The following MYH15 variants were observed in gnomAD, a reference collection of about 807,000 sequenced individuals.
MYH15 encodes myosin heavy chain 15, also known as myosin-15.
Under a neutral mutation model 240.5 loss-of-function variants are expected in MYH15, and 227 were observed. The ratio of observed to expected loss-of-function variants is 0.94; its 90% confidence interval spans 0.85 to 1.05. The LOEUF is 1.05. Among genes scored for constraint, MYH15 ranks in the 50% least tolerant of loss-of-function variants. The pLI, the probability that MYH15 is intolerant of heterozygous loss-of-function variation, is 0.00. For missense variants in MYH15, 2,217 were observed against 2,247.5 expected, an observed-to-expected ratio of 0.99 and a Z score of 0.27; for synonymous variants, 785 against 796.7, an observed-to-expected ratio of 0.99 and a Z score of 0.25.
At chr3:108,423,212 G>C (rs536774977) in intron 27 of MYH15, among the ~76,000 whole-genome samples, 2 of 152,296 alleles carry the variant, frequency 1.3e-5, no homozygotes, top group South Asian at 4.1e-4. Flanking sequence ...TGAAGTTTCC[G>C]AGGCTCCACT....
At chr3:108,395,502 A>G (rs1012247292) in intron 35 of MYH15, among the ~76,000 whole-genome samples, 4 of 152,024 alleles carry the variant, frequency 2.6e-5, no homozygotes, top group Admixed American at 6.6e-5. Context: ...CATAGAAACT[A>G]TTTCTTTGTA....
chr3:108,453,797 A>C (rs2082995842), intron 21 of MYH15, among the ~76,000 whole-genome samples: 1 of 152,198 alleles, frequency 6.6e-6, no homozygotes, highest in South Asian at 2.1e-4. Context: ...ATGACAAGAA[A>C]TATCTGAATT....
intron 12 of MYH15, among the ~76,000 whole-genome samples, chr3:108,471,526 T>C (rs2083177498): frequency 6.6e-6 from 1 of 152,206 alleles, no homozygotes; most frequent in African/African-American, 2.4e-5. Context: ...AGAAGTCTGC[T>C]GAATCACTCA....
At chr3:108,480,523 A>G (rs897097910) in intron 11 of MYH15, among the ~76,000 whole-genome samples, 2 of 152,218 alleles carry the variant, frequency 1.3e-5, no homozygotes, top group African/African-American at 4.8e-5. Context: ...ATGCTTTAGG[A>G]TGCTTAATTT....
At chr3:108,537,347 C>A in the MYH15 span, among the ~76,000 whole-genome samples, 1 of 152,124 alleles carries the variant, frequency 6.6e-6, no homozygotes, top group Non-Finnish European at 1.5e-5. Context: ...TCATTCTACC[C>A]CTCAGAAATC....
chr3:108,389,120 G>A (rs2082405488), intron 37 of MYH15, 46 bp from the exon 38 acceptor site: 2 of 1,543,376 alleles, frequency 1.3e-6, no homozygotes, highest in Non-Finnish European at 1.8e-6. Flanking sequence ...CACCAAGTCT[G>A]GCATTCTATT....
rs1453818274 is a variant in MYH15 at position 108,414,242 on chromosome 3, C to T, written c.4135G>A (p.Glu1379Lys). 1 of 1,614,076 alleles carries T rather than the reference C, an allele frequency of 6.2e-7. No homozygotes were observed. The highest frequency in any genetic ancestry group is 1.7e-5 in the Admixed American group (1 of 60,026). ...NNVIQRTEDL[E>K]DAKKELAIRL... The stretch of plus-strand genomic sequence containing the variant: ...CCTTGCCCTACTCACTTGGCATCCT[C>T]CAAGTCTTCTGTTCTCTGGATGACA... Residue 1379 changes from glutamate to lysine, a missense_variant, in exon 30 of 41, where the codon GAG becomes AAG. Physicochemically the swap from Glu to Lys is moderately conservative, Grantham distance 56. Coordinates refer to ENST00000693548, the MANE Select transcript of MYH15 (RefSeq NM_014981.3).
At chr3:108,416,198 C>T (rs2082631395) in intron 29 of MYH15, among the ~76,000 whole-genome samples, 1 of 152,140 alleles carries the variant, frequency 6.6e-6, no homozygotes, top group African/African-American at 2.4e-5. Flanking sequence ...ACAGACTCAA[C>T]TACCTGTGTT....
In MYH15 at chr3:108,456,755, TGTA is replaced by T; in HGVS notation, c.2138+8_2138+10del. ...GCCTCAGGCTTCTTGGATCCTAGAA[TGTA>T]GGTTTACCTTTGTTTAAAATCAGCA... On this transcript the variant is annotated splice_region_variant and intron_variant, in intron 19 of 40. Coordinates refer to ENST00000693548, the MANE Select transcript of MYH15 (RefSeq NM_014981.3). 6.3e-7 allele frequency: 1 copy of T among 1,582,348 alleles called. No homozygotes were observed. The highest frequency in any genetic ancestry group is 2.2e-5 in the East Asian group (1 of 44,692).
intron 5 of MYH15, 76 bp from the exon 6 acceptor site, chr3:108,498,221 T>C (rs905425313): frequency 1.5e-5 from 19 of 1,287,744 alleles, no homozygotes; most frequent in African/African-American, 5.8e-5. Context: ...ATTTTGATTA[T>C]ATAGGCTATG....
At chr3:108,495,640 G>A (rs2083383995) in intron 7 of MYH15, 140 bp downstream of exon 7, 1 of 491,914 alleles carries the variant, frequency 2.0e-6, no homozygotes, top group African/African-American at 2.0e-5. Flanking sequence ...AATTTTTTTT[G>A]AGAAATCTAA....
intron 2 of MYH15, among the ~76,000 whole-genome samples, chr3:108,503,003 C>A (rs1296577046): frequency 3.3e-5 from 5 of 152,138 alleles, no homozygotes; most frequent in Non-Finnish European, 7.4e-5. Flanking sequence ...GTACTTTACA[C>A]CCACTAGATT....
In MYH15 at chr3:108,468,515, C is replaced by A. The variant is rs554229878; in HGVS notation, c.1554+1527G>T. 1.1e-4 allele frequency among the ~76,000 whole-genome samples: 16 copies of A among 152,260 alleles called. 1 individual carries two copies. The highest frequency in any genetic ancestry group is 7.2e-4 in the Admixed American group (11 of 15,294). On this transcript the variant is annotated intron_variant, in intron 14 of 40. Coordinates refer to ENST00000693548, the MANE Select transcript of MYH15 (RefSeq NM_014981.3). Reference sequence around the variant, plus strand: ...AATGGGTCTTTTCAAAATTTAGAATCTTTTCAAGGAAGGCTTTGGTATTTT... The same window carrying A: ...AATGGGTCTTTTCAAAATTTAGAATATTTTCAAGGAAGGCTTTGGTATTTT...
chr3:108,494,209 T>C (rs1247006870), intron 7 of MYH15, among the ~76,000 whole-genome samples: 1 of 152,210 alleles, frequency 6.6e-6, no homozygotes, highest in Non-Finnish European at 1.5e-5. Context: ...CATTAAAATA[T>C]GTAGGACAGT....
chr3:108,410,804 C>G lies in MYH15; in HGVS notation c.4274G>C (p.Gly1425Ala). 6.2e-7 allele frequency: 1 copy of G among 1,614,120 alleles called. No homozygotes were observed. Among genetic ancestry groups the G allele is most frequent in the Non-Finnish European group, 8.5e-7 (1 of 1,179,962 alleles). ...CCTGGCTGCTGCAGAGCGGACCTTC[C>G]CGAGGTCAGACAGGGCGTCCCCGAG... ...LELGDALSDL[G>A]KVRSAAARLD... is the part of the protein sequence containing the mutation. Residue 1425 changes from glycine (G) to alanine (A), a missense_variant, in exon 31 of 41, where the codon GGG becomes GCG. Gly to Ala is a moderately conservative substitution (Grantham distance 60). Transcript: ENST00000693548.
At chr3:108,389,186 ACT>A (rs1453320170) in intron 37 of MYH15, 112 bp from the exon 38 acceptor site, 1 of 897,662 alleles carries the variant, frequency 1.1e-6, no homozygotes, top group Non-Finnish European at 1.8e-6. Context: ...ACATGCACAC[ACT>A]GTTTTTGGTG....
At chr3:108,507,395 G>C (rs1482964532) in intron 1 of MYH15, among the ~76,000 whole-genome samples, 1 of 151,668 alleles carries the variant, frequency 6.6e-6, no homozygotes, top group Non-Finnish European at 1.5e-5. Context: ...GGCTAGGGAA[G>C]ACACAGGTGA....
chr3:108,458,460 T>C (rs113783483), intron 18 of MYH15, among the ~76,000 whole-genome samples: 3 of 152,132 alleles, frequency 2.0e-5, no homozygotes, highest in African/African-American at 7.2e-5. Flanking sequence ...AAATAGGCCA[T>C]AGACTGTCAG....
the MYH15 span, among the ~76,000 whole-genome samples, chr3:108,544,055 AATG>A: frequency 6.6e-6 from 1 of 152,224 alleles, no homozygotes; most frequent in African/African-American, 2.4e-5. Context: ...CAGTTTTCAG[AATG>A]ATGATTTGTC....
Sources: gnomAD v4.1 joint callset for allele counts (sites outside exome capture counted in the v4.1 genomes callset) on GRCh38, gnomAD v4.1.1 for gene constraint, MANE v1.5 for transcripts, NCBI Gene and HGNC (gene_info 2026-07-23, HGNC 2026-07-21) for gene names.